FGF14: variants seen among roughly 807,000 people sequenced by gnomAD.
FGF14 encodes fibroblast growth factor homologous factor 4.
Under a neutral mutation model 25.5 loss-of-function variants are expected in FGF14, and 5 were observed. The ratio of observed to expected loss-of-function variants is 0.20; its 90% CI spans 0.10 to 0.41. The LOEUF (loss-of-function observed/expected upper bound fraction) is 0.41. Ranked by LOEUF, FGF14 falls within the 10% of genes least tolerant of loss-of-function variation. The pLI, the probability that FGF14 is intolerant of heterozygous loss-of-function variation, is 1.00. For missense variants in FGF14, 222 were observed against 320.1 expected, an observed-to-expected ratio of 0.69 and a Z score of 2.34; for synonymous variants, 138 against 118.3, an observed-to-expected ratio of 1.17 and a Z score of -1.08.
chr13:102,364,069 G>A (rs1426433871), intron 1 of FGF14, among the ~76,000 whole-genome samples: 2 of 152,172 alleles, frequency 1.3e-5, no homozygotes, highest in Non-Finnish European at 2.9e-5. Flanking sequence ...ACGTGGTTGT[G>A]GATCTGAAGG....
At chr13:101,794,848 C>A (rs185574323) in intron 3 of FGF14, among the ~76,000 whole-genome samples, 2 of 152,020 alleles carry the variant, frequency 1.3e-5, no homozygotes, top group African/African-American at 2.4e-5. Flanking sequence ...TTCCTATAAA[C>A]TAGATTCTAA....
At chr13:101,778,749 A>G (rs1428532687) in intron 3 of FGF14, 2 of 152,130 alleles carry the variant, frequency 1.3e-5, no homozygotes, top group African/African-American at 4.8e-5. Flanking sequence ...TTTTATGAGC[A>G]TGTGTGACTA....
chr13:101,751,174 T>G (rs1487162934), intron 3 of FGF14, among the ~76,000 whole-genome samples: 1 of 152,094 alleles, frequency 6.6e-6, no homozygotes, highest in Admixed American at 6.6e-5. Context: ...ACACCTAGAG[T>G]TAACTCTAAT....
intron 1 of FGF14, among the ~76,000 whole-genome samples, chr13:102,198,395 A>G (rs1433463323): frequency 6.6e-6 from 1 of 152,242 alleles, no homozygotes; most frequent in Non-Finnish European, 1.5e-5. Context: ...TTTTAATTGT[A>G]GCCCTCTAGA....
rs56003026 is a variant in FGF14, at chr13:101,978,960, C to T, written c.209-103664G>A. On this transcript the variant is annotated intron_variant, in intron 1 of 4. Transcript: ENST00000376131. ...TGTGATGGAATTCCAAAGCAGAGAG[C>T]CAAAGGAAAGGAGTAGTAGCCAAGA... Among the ~76,000 whole-genome samples the T allele has an allele frequency of 6.3e-3, 952 of 152,214 alleles. 5 individuals carry two copies. The highest frequency in any genetic ancestry group is 0.022 in the African/African-American group (899 of 41,514).
At chr13:101,891,068 C>T (rs1319709493) in intron 1 of FGF14, among the ~76,000 whole-genome samples, 1 of 152,068 alleles carries the variant, frequency 6.6e-6, no homozygotes, top group Non-Finnish European at 1.5e-5. Flanking sequence ...ACTTTTTCTT[C>T]TTTTGCTATT....
intron 4 of FGF14, among the ~76,000 whole-genome samples, chr13:101,723,411 C>T (rs913450881): frequency 2.0e-5 from 3 of 152,000 alleles, no homozygotes; most frequent in East Asian, 1.9e-4. Context: ...TTGTGAGCTG[C>T]GGTATTTACA....
intron 3 of FGF14, among the ~76,000 whole-genome samples, chr13:101,793,328 T>C (rs1401932238): frequency 6.6e-6 from 1 of 152,164 alleles, no homozygotes; most frequent in Admixed American, 6.6e-5. Context: ...GAATGTGTGG[T>C]ATTTGTCTGT....
At chr13:102,075,154 A>G (rs1009479632) in intron 1 of FGF14, among the ~76,000 whole-genome samples, 1 of 152,222 alleles carries the variant, frequency 6.6e-6, no homozygotes, top group Admixed American at 6.5e-5. Context: ...TGCAGATGAT[A>G]CATTCTTAAA....
intron 3 of FGF14, among the ~76,000 whole-genome samples, chr13:101,766,911 A>G (rs1035399682): frequency 4.6e-5 from 7 of 152,174 alleles, no homozygotes; most frequent in African/African-American, 1.7e-4. Flanking sequence ...TCTCCTTCAG[A>G]TCCTTCAGAA....
At chr13:102,150,067 C>G (rs752679902) in intron 1 of FGF14, among the ~76,000 whole-genome samples, 1 of 152,096 alleles carries the variant, frequency 6.6e-6, no homozygotes, top group African/African-American at 2.4e-5. Context: ...AATGCTACCC[C>G]AGTTGAAGCG....
intron 1 of FGF14, among the ~76,000 whole-genome samples, chr13:101,968,208 G>C (rs990175230): frequency 6.6e-6 from 1 of 152,162 alleles, no homozygotes; most frequent in Non-Finnish European, 1.5e-5. Context: ...TCATATAAAT[G>C]CATAAAGGTG....
chr13:101,789,929 ATTATTC>A (rs1295198185), intron 3 of FGF14, among the ~76,000 whole-genome samples: 2 of 151,440 alleles, frequency 1.3e-5, no homozygotes. Flanking sequence ...ATGCCCTTAC[ATTATTC>A]TTATTTTTTT....
intron 1 of FGF14, among the ~76,000 whole-genome samples, chr13:102,282,070 T>C (rs1419560331): frequency 1.4e-5 from 2 of 145,288 alleles, no homozygotes; most frequent in Non-Finnish European, 3.0e-5. Context: ...CTTCTTTTTT[T>C]TTTTTCTTCC....
At chr13:101,921,678 C>A (rs2034017666), upstream of FGF14, among the ~76,000 whole-genome samples, 1 of 152,180 alleles carries the variant, frequency 6.6e-6, no homozygotes, top group Non-Finnish European at 1.5e-5. Flanking sequence ...AGTGGCCTGC[C>A]ATGGCTCATG....
At chr13:102,319,844 T>C (rs2056176146) in intron 1 of FGF14, among the ~76,000 whole-genome samples, 1 of 152,150 alleles carries the variant, frequency 6.6e-6, no homozygotes, top group Admixed American at 6.5e-5. Flanking sequence ...GATATAGACA[T>C]AGATGTGCCA....
At chr13:101,800,578 T>C (rs896997441) in intron 3 of FGF14, among the ~76,000 whole-genome samples, 1 of 152,206 alleles carries the variant, frequency 6.6e-6, no homozygotes, top group Non-Finnish European at 1.5e-5. Flanking sequence ...AATAAAAGTT[T>C]CCATCTATAA....
chr13:102,205,809 G>T (rs997006442), intron 1 of FGF14, among the ~76,000 whole-genome samples: 2 of 146,848 alleles, frequency 1.4e-5, no homozygotes, highest in Non-Finnish European at 3.0e-5. Context: ...AAACAAAAAA[G>T]TAGGAGCCCC....
At chr13:101,735,863 G>A in intron 3 of FGF14, among the ~76,000 whole-genome samples, 1 of 152,076 alleles carries the variant, frequency 6.6e-6, no homozygotes, top group East Asian at 1.9e-4. Context: ...ATAGAACATT[G>A]TCTAAAAGAA....
Sources: allele counts gnomAD v4.1 joint callset (sites outside exome capture counted in the v4.1 genomes callset), GRCh38; gene constraint gnomAD v4.1.1; transcripts MANE v1.5; gene names NCBI Gene and HGNC (gene_info 2026-07-23, HGNC 2026-07-21).